RIPOR1: variants seen among roughly 807,000 people sequenced by gnomAD.
RIPOR1 encodes the protein rho family-interacting cell polarization regulator 1.
In RIPOR1, 58 loss-of-function variants were observed where a neutral mutation model predicts 116.5. That is an observed-to-expected ratio of 0.50 (90% confidence interval 0.40 to 0.62). The LOEUF is 0.62. RIPOR1 is among the 20% of genes least tolerant of loss of function. RIPOR1 has a pLI of 0.00. For missense variants in RIPOR1, 1,372 were observed against 1,586.2 expected (o/e 0.86, Z 2.29); for synonymous variants, 605 against 650.0 (o/e 0.93, Z 1.05).
Position 67,543,833 on chromosome 16 carries a change from G to A in RIPOR1, c.2600+364G>A. ...AGGAGCTCTCTCAGTGTCTCGCCGT[G>A]CACCCTGGGACCCCAGCACTGCCCC... On this transcript the variant is annotated intron_variant, in intron 14 of 21. Transcript: ENST00000042381. The surrounding 1 kb of genome is among the most constrained non-coding windows in gnomAD (Gnocchi z 4.7). 2.6e-6 allele frequency: 1 copy of A among 378,132 alleles called. No individual in the cohort carries two copies. The highest frequency in any genetic ancestry group is 5.0e-6 in the Non-Finnish European group (1 of 201,948). 23.4% of individuals were successfully genotyped at this position (378,132 alleles called of 1,614,324 possible). A position where few individuals can be genotyped will look rare whatever the true frequency, so the allele number is the denominator to read the frequency against.
In RIPOR1 at chr16:67,543,285, C is replaced by T. The variant is rs1013321871; in HGVS notation, c.2478+21C>T. 7 of 1,603,682 alleles carry T rather than the reference C, an allele frequency of 4.4e-6. No homozygotes were observed. The African/African-American group carries it at 6.7e-5, about 15-fold the overall frequency. ...TCATGGTGAGGAGGGCTGGGCTGGG[C>T]TAGGGCAACCAGGGAGGGCAGCCAG... On this transcript the variant is annotated intron_variant, in intron 13 of 21. Transcript: ENST00000042381. The surrounding 1 kb of genome is among the most constrained non-coding windows in gnomAD (Gnocchi z 4.7).
intron 1 of RIPOR1, among the ~76,000 whole-genome samples, chr16:67,535,676 C>T (rs2050774680): frequency 6.6e-6 from 1 of 151,978 alleles, no homozygotes; most frequent in African/African-American, 2.4e-5. Flanking sequence ...GCTCAAGGGG[C>T]CAGAGGTCTC....
rs772567030 is a variant in RIPOR1, at chr16:67,540,724, CG to C, written c.801+22del. ...ATTAAGGTGATGTCTCTGCCCAGGA[CG>C]GCAGGCCACCATGGCCCTGTGAACC... On this transcript the variant is annotated intron_variant, in intron 10 of 21. Coordinates refer to ENST00000042381, the MANE Select transcript of RIPOR1 (RefSeq NM_024519.4). The surrounding 1 kb of genome is among the most constrained non-coding windows in gnomAD (Gnocchi z 4.7). 1 of 1,562,168 alleles carries C rather than the reference CG, an allele frequency of 6.4e-7. No individual in the cohort carries two copies. The highest frequency in any genetic ancestry group is 8.7e-7 in the Non-Finnish European group (1 of 1,154,220).
At position 67,542,880 on chromosome 16, in the gene RIPOR1, C is replaced by A. The variant is rs973505683; in HGVS notation, c.2094C>A (p.Leu698=). Residue 698 remains leucine, a synonymous_variant, in exon 13 of 22, where the codon CTC becomes CTA. Coordinates refer to ENST00000042381, the MANE Select transcript of RIPOR1 (RefSeq NM_024519.4). The surrounding 1 kb of genome is among the most constrained non-coding windows in gnomAD (Gnocchi z 4.6). ...SSPSKHSDPT[L]PGTDSLPCSP... is the part of the protein sequence containing the mutation. Reference sequence around the variant, plus strand: ...CCTCCAAACACTCAGACCCCACCCTCCCAGGCACTGACTCCCTTCCCTGTA... The same window carrying A: ...CCTCCAAACACTCAGACCCCACCCTACCAGGCACTGACTCCCTTCCCTGTA... The A allele has an allele frequency of 2.5e-6, 4 of 1,612,940 alleles. No homozygotes were observed. The African/African-American group carries it at 5.3e-5, about 22-fold the overall frequency.
chr16:67,543,090 T>G lies in RIPOR1; in HGVS notation c.2304T>G (p.Leu768=). Reference sequence around the variant, plus strand: ...CCCCTGCACCCCAGCATTCAGACCTTTGCCTGGCCATGGCTGTCCAGACCC... The same window carrying G: ...CCCCTGCACCCCAGCATTCAGACCTGTGCCTGGCCATGGCTGTCCAGACCC... The part of the protein sequence containing the change: ...PPTPAPQHSD[L]CLAMAVQTPV... Residue 768 remains leucine (L), a synonymous_variant, in exon 13 of 22, where the codon CTT becomes CTG. Coordinates refer to ENST00000042381, the MANE Select transcript of RIPOR1 (RefSeq NM_024519.4). The surrounding 1 kb of genome is among the most constrained non-coding windows in gnomAD (Gnocchi z 4.7). 1 of 1,522,244 alleles carries G rather than the reference T, an allele frequency of 6.6e-7. No homozygotes were observed. 94.3% of individuals were successfully genotyped at this position (1,522,244 alleles called of 1,614,324 possible). A position where few individuals can be genotyped will look rare whatever the true frequency, so the allele number is the denominator to read the frequency against.
In RIPOR1 at chr16:67,546,035, G is replaced by A; in HGVS notation, c.3471+3G>A. On this transcript the variant is annotated splice_donor_region_variant and intron_variant, in intron 20 of 21. Transcript: ENST00000042381. ...GCCTGGCCCTAGGCTGCATCAAGGT[G>A]ACCCCTGCCAACCCTCCCACCCCTC... The A allele has an allele frequency of 1.2e-6, 2 of 1,612,692 alleles. No individual in the cohort carries two copies. Among genetic ancestry groups the A allele is most frequent in the Non-Finnish European group, 1.7e-6 (2 of 1,179,948 alleles).
In RIPOR1 at chr16:67,538,798, G is replaced by T. The variant is rs770920020; in HGVS notation, c.231G>T (p.Val77=). 5 of 1,613,362 alleles carry T rather than the reference G, an allele frequency of 3.1e-6. No individual in the cohort carries two copies. Among genetic ancestry groups the T allele is most frequent in the Non-Finnish European group, 3.4e-6 (4 of 1,179,992 alleles). Residue 77 remains valine, a synonymous_variant, in exon 3 of 22, where the codon GTG becomes GTT. Coordinates refer to ENST00000042381, the MANE Select transcript of RIPOR1 (RefSeq NM_024519.4). The part of the protein sequence containing the change: ...KVPQPERLDL[V]YTALKRGLTA... ...CGCAGCCCGAGCGGCTGGACCTGGTGTACACGGCGCTGAAGCGGGGCCTGA... is the reference window on the plus strand; with the variant it reads ...CGCAGCCCGAGCGGCTGGACCTGGTTTACACGGCGCTGAAGCGGGGCCTGA...
Position 67,543,413 on chromosome 16 carries a change from G to A in RIPOR1, c.2544G>A (p.Glu848=). 1 of 1,578,798 alleles carries A rather than the reference G, an allele frequency of 6.3e-7. No homozygotes were observed. The highest frequency in any genetic ancestry group is 8.6e-7 in the Non-Finnish European group (1 of 1,161,608). ...GCATCACTGTGGAGCATGCCTTGGA[G>A]AGCTTCAGCTTCCTCAATGAAGACG... ...SLSITVEHAL[E]SFSFLNEDED... The change falls in exon 14 of 22, where the codon GAG becomes GAA. Residue 848 remains glutamate (E), a synonymous_variant. Transcript: ENST00000042381. The surrounding 1 kb of genome is among the most constrained non-coding windows in gnomAD (Gnocchi z 4.7).
rs1288255859 is a variant in RIPOR1 at position 67,543,653 on chromosome 16, C to A, written c.2600+184C>A. 3 of 757,854 alleles carry A rather than the reference C, an allele frequency of 4.0e-6. No homozygotes were observed. The highest frequency in any genetic ancestry group is 5.4e-5 in the East Asian group (2 of 36,914). 46.9% of individuals were successfully genotyped at this position (757,854 alleles called of 1,614,324 possible). On this transcript the variant is annotated intron_variant, in intron 14 of 21. Transcript: ENST00000042381. The surrounding 1 kb of genome is among the most constrained non-coding windows in gnomAD (Gnocchi z 4.7). Reference sequence around the variant, plus strand: ...GCACCTGTGTCCACCCCTCCCATGTCCTTCATGCCCATGTCTCCAACCCTA... The same window carrying A: ...GCACCTGTGTCCACCCCTCCCATGTACTTCATGCCCATGTCTCCAACCCTA...
intron 1 of RIPOR1, among the ~76,000 whole-genome samples, chr16:67,533,055 G>A (rs1011170258): frequency 4.6e-5 from 7 of 152,016 alleles, no homozygotes; most frequent in African/African-American, 1.7e-4. Context: ...AGCCAGACCT[G>A]GCAGGAGGGG....
chr16:67,527,334 G>A (rs180752500), upstream of RIPOR1, among the ~76,000 whole-genome samples: 30 of 151,900 alleles, frequency 2.0e-4, no homozygotes, highest in Admixed American at 1.8e-3. Flanking sequence ...GCAGTGAGCC[G>A]AGATCACGCC....
intron 2 of RIPOR1, 47 bp downstream of exon 2, chr16:67,538,597 G>A: frequency 6.2e-7 from 1 of 1,607,898 alleles, no homozygotes; most frequent in South Asian, 1.1e-5. Context: ...GTCAGATGGG[G>A]CTGGGTCTGG....
In RIPOR1 at chr16:67,539,717, C is replaced by T. The variant is rs1293041341; in HGVS notation, c.337-11C>T. On this transcript the variant is annotated splice_polypyrimidine_tract_variant and intron_variant, in intron 4 of 21. Transcript: ENST00000042381. Reference sequence around the variant, plus strand: ...CTCCTAAATATTTGCCCCTTCTCCCCACCCCTGCAGGGCTTCCTGTATGAT... The same window carrying T: ...CTCCTAAATATTTGCCCCTTCTCCCTACCCCTGCAGGGCTTCCTGTATGAT... The T allele has an allele frequency of 6.2e-7, 1 of 1,614,082 alleles. No homozygotes were observed.
intron 1 of RIPOR1, among the ~76,000 whole-genome samples, chr16:67,533,118 G>A (rs2050704115): frequency 6.6e-6 from 1 of 152,172 alleles, no homozygotes; most frequent in Non-Finnish European, 1.5e-5. Context: ...AGACATCCAG[G>A]ACGACTTCTA....
Position 67,529,795 on chromosome 16 carries a change from G to A in RIPOR1, c.-24+881G>A. On this transcript the variant is annotated intron_variant, in intron 1 of 21. Transcript: ENST00000042381. The surrounding 1 kb of genome is among the most constrained non-coding windows in gnomAD (Gnocchi z 4.1). The stretch of plus-strand genomic sequence containing the variant: ...GCCGCGCCCTGGGCCTGCCGCATTC[G>A]GCCAACGCACAGCATCTGAGGAGGG... 1 of 1,535,812 alleles carries A rather than the reference G, an allele frequency of 6.5e-7. No homozygotes were observed. Among genetic ancestry groups the A allele is most frequent in the Non-Finnish European group, 8.7e-7 (1 of 1,146,884 alleles).
In RIPOR1 at chr16:67,540,303, ATG is replaced by A. The variant is rs1450199359; in HGVS notation, c.575_576del (p.Cys192SerfsTer33). The A allele has an allele frequency of 6.2e-7, 1 of 1,614,044 alleles. No homozygotes were observed. The highest frequency in any genetic ancestry group is 8.5e-7 in the Non-Finnish European group (1 of 1,179,966). ...TGTCCCTGCCCCTCCCTCCCAGAGC[ATG>A]TGTCTGCTGGAGAGCGAGCTGGAGG... ...TRGHREYTES[M>X]CLLESELEAQ... On this transcript the variant is annotated frameshift_variant, in exon 8 of 22. Coordinates refer to ENST00000042381, the MANE Select transcript of RIPOR1 (RefSeq NM_024519.4). LOFTEE classifies it high-confidence loss of function. This position sits in a 1 kb window ranked among gnomAD's most constrained non-coding sequence, Gnocchi z 4.7.
Position 67,544,770 on chromosome 16 carries a change from C to T in RIPOR1, c.2809C>T (p.Leu937=), listed in dbSNP as rs766989126. The T allele has an allele frequency of 1.7e-5, 27 of 1,608,994 alleles. No individual in the cohort carries two copies. Among genetic ancestry groups the T allele is most frequent in the Non-Finnish European group, 2.3e-5 (27 of 1,176,508 alleles). Residue 937 remains leucine, a synonymous_variant, in exon 16 of 22, where the codon CTG becomes TTG. Coordinates refer to ENST00000042381, the MANE Select transcript of RIPOR1 (RefSeq NM_024519.4). The surrounding 1 kb of genome is among the most constrained non-coding windows in gnomAD (Gnocchi z 5.1). ...LERLLREARV[L]EAVCEFSRRW... Reference sequence around the variant, plus strand: ...GCGGCTGCTGCGGGAAGCCCGAGTACTGGAGGCAGTATGCGAGTTCAGCAG... The same window carrying T: ...GCGGCTGCTGCGGGAAGCCCGAGTATTGGAGGCAGTATGCGAGTTCAGCAG...
chr16:67,542,900 C>G lies in RIPOR1; in HGVS notation c.2114C>G (p.Pro705Arg). The part of the protein sequence containing the change: ...DPTLPGTDSL[P>R]CSPPVSNSYT... ...ACCCTCCCAGGCACTGACTCCCTTC[C>G]CTGTAGTCCCCCAGTCTCCAATTCC... Residue 705 changes from proline (P) to arginine (R), a missense_variant, in exon 13 of 22, where the codon CCC becomes CGC. This residue lies in a region of RIPOR1 where 1,005 missense variants were observed against 1,144.7 expected (regional missense o/e 0.88). Transcript: ENST00000042381. This position sits in a 1 kb window ranked among gnomAD's most constrained non-coding sequence, Gnocchi z 4.6. The G allele has an allele frequency of 4.3e-6, 7 of 1,609,922 alleles. No individual in the cohort carries two copies. The highest frequency in any genetic ancestry group is 5.9e-6 in the Non-Finnish European group (7 of 1,177,420).
At chr16:67,534,717 G>A (rs1401686402) in intron 1 of RIPOR1, among the ~76,000 whole-genome samples, 2 of 151,428 alleles carry the variant, frequency 1.3e-5, no homozygotes, top group African/African-American at 2.4e-5. Context: ...TCTTGGGTTT[G>A]CTCTCAGATC....
Sources: allele counts gnomAD v4.1 joint callset (sites outside exome capture counted in the v4.1 genomes callset), GRCh38; gene constraint gnomAD v4.1.1; regional missense constraint gnomAD v4.1.1; non-coding constraint Gnocchi (gnomAD v3.1); transcripts MANE v1.5; gene names NCBI Gene and HGNC (gene_info 2026-07-23, HGNC 2026-07-21).